The following ARL13B variants were observed in gnomAD, a reference collection of about 807,000 sequenced individuals.
ARL13B encodes ARF like GTPase 13B, also known as ADP-ribosylation factor-like protein 13B.
In ARL13B, 36 loss-of-function variants were observed where a neutral mutation model predicts 56.1. That is an observed-to-expected ratio of 0.64 (90% confidence interval 0.49 to 0.85). ARL13B has a LOEUF of 0.85. Among genes scored for constraint, ARL13B ranks in the 40% least tolerant of loss-of-function variants. ARL13B has a pLI of 0.00. For synonymous variants in ARL13B, 178 were observed against 171.1 expected, an observed-to-expected ratio of 1.04 and a Z score of -0.32; for missense variants, 519 against 507.1, an observed-to-expected ratio of 1.02 and a Z score of -0.23.
intron 3 of ARL13B, among the ~76,000 whole-genome samples, chr3:94,022,037 T>A (rs1575997301): frequency 6.6e-6 from 1 of 152,312 alleles, no homozygotes; most frequent in Admixed American, 6.5e-5. Flanking sequence ...AAGGCAGTCA[T>A]TTTCAGCTCC....
chr3:94,035,642 C>T (rs1187522534), intron 4 of ARL13B, among the ~76,000 whole-genome samples: 1 of 152,052 alleles, frequency 6.6e-6, no homozygotes, highest in Non-Finnish European at 1.5e-5. Flanking sequence ...TTTCCATGAA[C>T]TATCTTTCCA....
intron 3 of ARL13B, among the ~76,000 whole-genome samples, chr3:94,016,146 T>C (rs1201871575): frequency 6.6e-6 from 1 of 152,118 alleles, no homozygotes; most frequent in African/African-American, 2.4e-5. Context: ...TACATACATA[T>C]AAAATGAAGG....
chr3:94,010,406 A>G (rs1213669487), intron 3 of ARL13B, among the ~76,000 whole-genome samples: 2 of 152,106 alleles, frequency 1.3e-5, no homozygotes, highest in African/African-American at 2.4e-5. Context: ...TTACGAATTC[A>G]AGCTCTATGA....
At chr3:94,001,019 A>G (rs894391135) in intron 2 of ARL13B, among the ~76,000 whole-genome samples, 1 of 152,152 alleles carries the variant, frequency 6.6e-6, no homozygotes, top group Non-Finnish European at 1.5e-5. Flanking sequence ...ATTGAGCCCT[A>G]TATACTTTGT....
At chr3:93,994,958 G>A (rs367900483) in intron 1 of ARL13B, among the ~76,000 whole-genome samples, 1 of 152,112 alleles carries the variant, frequency 6.6e-6, no homozygotes, top group South Asian at 2.1e-4. Context: ...ATAGGAGATT[G>A]GCCATACCCT....
intron 1 of ARL13B, among the ~76,000 whole-genome samples, chr3:93,992,416 G>T (rs2075892387): frequency 6.6e-6 from 1 of 152,106 alleles, no homozygotes; most frequent in Non-Finnish European, 1.5e-5. Flanking sequence ...TCTGTAGCCT[G>T]CTGTCTATCC....
chr3:94,045,902 G>A (rs1180927379), intron 7 of ARL13B, among the ~76,000 whole-genome samples: 4 of 134,684 alleles, frequency 3.0e-5, no homozygotes, highest in African/African-American at 5.5e-5. Flanking sequence ...AGTGAGCCGA[G>A]ATGGTGCCAC....
intron 3 of ARL13B, 122 bp from the exon 4 acceptor site, chr3:94,035,209 C>G (rs1194440335): frequency 1.5e-6 from 1 of 677,230 alleles, no homozygotes; most frequent in East Asian, 3.0e-5. Flanking sequence ...TGTACTCCAG[C>G]CTGGGAAACA....
chr3:94,021,380 A>G (rs1327212653), intron 3 of ARL13B, among the ~76,000 whole-genome samples: 1 of 151,930 alleles, frequency 6.6e-6, no homozygotes, highest in South Asian at 2.1e-4. Flanking sequence ...TTTCTGGTAG[A>G]GACAAGGTTT....
chr3:93,992,713 C>T (rs572755470), intron 1 of ARL13B, among the ~76,000 whole-genome samples: 23 of 152,234 alleles, frequency 1.5e-4, no homozygotes, highest in Middle Eastern at 3.4e-3. Flanking sequence ...ATTGAGTTAG[C>T]TTTAATATTA....
At chr3:94,007,202 C>T (rs2076150136) in intron 3 of ARL13B, among the ~76,000 whole-genome samples, 1 of 152,152 alleles carries the variant, frequency 6.6e-6, no homozygotes, top group Admixed American at 6.6e-5. Flanking sequence ...CTCTGAAAAG[C>T]TTCATTTAAT....
intron 1 of ARL13B, among the ~76,000 whole-genome samples, chr3:93,992,070 T>G (rs1242330029): frequency 1.3e-5 from 2 of 152,202 alleles, no homozygotes; most frequent in African/African-American, 4.8e-5. Flanking sequence ...TTTTGTTTGT[T>G]TGAGCCTAAT....
chr3:94,003,560 TG>T, intron 2 of ARL13B, 98 bp from the exon 3 acceptor site: 1 of 1,323,252 alleles, frequency 7.6e-7, no homozygotes, highest in Non-Finnish European at 1.1e-6. Flanking sequence ...TGTCAGTGAA[TG>T]CTAAATATTT....
At chr3:94,010,399 C>T (rs954515237) in intron 3 of ARL13B, among the ~76,000 whole-genome samples, 19 of 151,928 alleles carry the variant, frequency 1.3e-4, no homozygotes, top group African/African-American at 4.1e-4. Context: ...TTTCATCTTA[C>T]GAATTCAAGC....
At chr3:94,051,716 T>A (rs985480300) in intron 9 of ARL13B, among the ~76,000 whole-genome samples, 1 of 152,116 alleles carries the variant, frequency 6.6e-6, no homozygotes, top group African/African-American at 2.4e-5. Flanking sequence ...AGTCTAGAAC[T>A]TGGTTTCACT....
In ARL13B at chr3:94,054,579, A is replaced by G. The variant is rs1323223266; in HGVS notation, c.*1316A>G. On this transcript the variant is annotated 3_prime_UTR_variant, in exon 10 of 10. Coordinates refer to ENST00000394222, the MANE Select transcript of ARL13B (RefSeq NM_001174150.2). ...TTGGTAACTTGTACTGACACAACAG[A>G]CATGTGCTAGTATCTGATAACATTA... is the stretch of plus-strand genomic sequence containing the variant. The G allele has an allele frequency of 2.5e-6, 1 of 396,854 alleles. No individual in the cohort carries two copies. The highest frequency in any genetic ancestry group is 4.9e-6 in the Non-Finnish European group (1 of 204,540). 24.6% of individuals were successfully genotyped at this position (396,854 alleles called of 1,614,324 possible). A position where few individuals can be genotyped will look rare whatever the true frequency, so the allele number is the denominator to read the frequency against.
intron 3 of ARL13B, among the ~76,000 whole-genome samples, chr3:94,015,965 A>G (rs1009382566): frequency 7.9e-5 from 12 of 152,124 alleles, no homozygotes; most frequent in Non-Finnish European, 1.3e-4. Context: ...ATTTATATCA[A>G]TTTGTGTTAG....
chr3:94,040,759 T>C (rs1288308846), intron 6 of ARL13B, among the ~76,000 whole-genome samples: 1 of 151,380 alleles, frequency 6.6e-6, no homozygotes, highest in Non-Finnish European at 1.5e-5. Flanking sequence ...CTTTTAAAAA[T>C]ATTGAGAGAG....
At chr3:94,028,299 A>G (rs1272104962) in intron 3 of ARL13B, 1 of 152,206 alleles carries the variant, frequency 6.6e-6, no homozygotes, top group Non-Finnish European at 1.5e-5. Context: ...TTTAAATGTA[A>G]CAGTGTAACC....
Sources: gnomAD v4.1 joint callset for allele counts (sites outside exome capture counted in the v4.1 genomes callset) on GRCh38, gnomAD v4.1.1 for gene constraint, MANE v1.5 for transcripts, NCBI Gene and HGNC (gene_info 2026-07-23, HGNC 2026-07-21) for gene names.